CAPZB: variants seen among roughly 807,000 people sequenced by gnomAD.
CAPZB encodes capping actin protein of muscle Z-line subunit beta.
A neutral mutation model predicts 38.1 loss-of-function variants in CAPZB; 2 were observed. The observed-to-expected ratio is 0.05, with a 90% CI of 0.02 to 0.17. The LOEUF (loss-of-function observed/expected upper bound fraction) is 0.17, where lower values mean the gene tolerates loss of function less well. Among genes scored for constraint, CAPZB ranks in the 10% least tolerant of loss-of-function variants. The pLI is 1.00. For missense variants in CAPZB, 161 were observed against 334.2 expected (o/e 0.48, Z 4.04); for synonymous variants, 107 against 127.4 (o/e 0.84, Z 1.08).
chr1:19,424,314 C>T (rs1286053579), intron 1 of CAPZB: 4 of 152,116 alleles, frequency 2.6e-5, no homozygotes, highest in Admixed American at 2.0e-4. Flanking sequence ...TCATCATCAA[C>T]GTGATGCTTA....
chr1:19,342,905 GAAC>G (rs748476920), intron 8 of CAPZB: 73 of 1,226,598 alleles, frequency 6.0e-5, no homozygotes, highest in Non-Finnish European at 8.8e-5. Context: ...GGAGGGAAGA[GAAC>G]GACGAGAAGC....
intron 6 of CAPZB, among the ~76,000 whole-genome samples, chr1:19,348,259 C>T (rs998626175): frequency 6.6e-6 from 1 of 150,704 alleles, no homozygotes; most frequent in African/African-American, 2.5e-5. Context: ...CAGTTTAGGG[C>T]ACTTTTTTTT....
chr1:19,462,887 T>C (rs1320023384), intron 1 of CAPZB, among the ~76,000 whole-genome samples: 1 of 152,158 alleles, frequency 6.6e-6, no homozygotes, highest in Admixed American at 6.5e-5. Flanking sequence ...TAAAACCAAA[T>C]ATTCAGTTCC....
At chr1:19,382,478 T>A (rs2094180919) in intron 3 of CAPZB, among the ~76,000 whole-genome samples, 1 of 152,122 alleles carries the variant, frequency 6.6e-6, no homozygotes, top group African/African-American at 2.4e-5. Context: ...AAGGATCTTA[T>A]TTAAGCAAAC....
chr1:19,369,667 G>A lies in CAPZB; in HGVS notation c.329+8873C>T, dbSNP rs571167988. ...TGAGTGGCAAGCGGTGCCCGTCACG[G>A]GATCCCTCTGGAGGCCTTTACATCT... On this transcript the variant is annotated intron_variant, in intron 4 of 8. Coordinates refer to ENST00000264202, the MANE Select transcript of CAPZB (RefSeq NM_004930.5). 3.9e-5 allele frequency among the ~76,000 whole-genome samples: 6 copies of A among 152,364 alleles called. No individual in the cohort carries two copies. In the East Asian group the frequency reaches 1.2e-3, roughly 29 times the overall value.
intron 4 of CAPZB, among the ~76,000 whole-genome samples, chr1:19,359,865 A>G (rs576185554): frequency 6.6e-6 from 1 of 152,202 alleles, no homozygotes; most frequent in African/African-American, 2.4e-5. Context: ...GCACTCAGAG[A>G]TCCCACTCCA....
chr1:19,413,693 A>G (rs781295816), intron 2 of CAPZB, among the ~76,000 whole-genome samples: 1 of 152,184 alleles, frequency 6.6e-6, no homozygotes, highest in Non-Finnish European at 1.5e-5. Context: ...CTGGTCTGAG[A>G]TTGTTTGAAT....
intron 1 of CAPZB, among the ~76,000 whole-genome samples, chr1:19,447,660 T>C (rs1349877870): frequency 2.0e-5 from 3 of 152,164 alleles, no homozygotes; most frequent in African/African-American, 7.2e-5. Context: ...GTTGCACAGA[T>C]ACACCTGGGG....
chr1:19,481,213 T>C (rs771745427), intron 1 of CAPZB, among the ~76,000 whole-genome samples: 1 of 152,154 alleles, frequency 6.6e-6, no homozygotes, highest in African/African-American at 2.4e-5. Flanking sequence ...CCATTAAACC[T>C]CCCTTTCCTT....
intron 2 of CAPZB, among the ~76,000 whole-genome samples, chr1:19,412,602 G>C (rs973568667): frequency 6.6e-6 from 1 of 152,088 alleles, no homozygotes; most frequent in African/African-American, 2.4e-5. Context: ...TTTTAAATAA[G>C]ACAAAACATA....
intron 1 of CAPZB, among the ~76,000 whole-genome samples, chr1:19,421,827 T>TA (rs1257762006): frequency 6.6e-6 from 1 of 152,200 alleles, no homozygotes. Context: ...AATAATTTAG[T>TA]AATGCATGTG....
intron 1 of CAPZB, among the ~76,000 whole-genome samples, chr1:19,448,132 G>A (rs1404975856): frequency 5.3e-5 from 8 of 152,306 alleles, no homozygotes; most frequent in South Asian, 2.1e-4. Flanking sequence ...AGCCAACTGC[G>A]CATCAAGGGG....
chr1:19,367,866 G>A lies in CAPZB; in HGVS notation c.330-10303C>T, dbSNP rs147866159. ...AAACAATGGTGCCGCTGCAGGGGCC[G>A]GCTATCTGGCTCTGGGATCTGGTTT... On this transcript the variant is annotated intron_variant, in intron 4 of 8. Transcript: ENST00000264202. 2.2e-3 allele frequency among the ~76,000 whole-genome samples: 332 copies of A among 152,306 alleles called. 1 individual carries two copies. The highest frequency in any genetic ancestry group is 7.6e-3 in the African/African-American group (314 of 41,570).
chr1:19,426,158 C>A (rs1374075916), intron 1 of CAPZB, among the ~76,000 whole-genome samples: 2 of 152,172 alleles, frequency 1.3e-5, no homozygotes, highest in African/African-American at 4.8e-5. Context: ...ACTCAGGGGG[C>A]AGCTATGCTG....
At chr1:19,454,018 T>C (rs2094525282) in intron 1 of CAPZB, among the ~76,000 whole-genome samples, 1 of 152,180 alleles carries the variant, frequency 6.6e-6, no homozygotes, top group Non-Finnish European at 1.5e-5. Flanking sequence ...CTAAGTGCGC[T>C]GCCTCCTGGA....
intron 1 of CAPZB, among the ~76,000 whole-genome samples, chr1:19,455,588 C>A (rs895718081): frequency 6.6e-6 from 1 of 152,138 alleles, no homozygotes; most frequent in South Asian, 2.1e-4. Context: ...CAGTCCCTGC[C>A]GCATCTTGGG....
chr1:19,455,727 T>C (rs1273004899), intron 1 of CAPZB, among the ~76,000 whole-genome samples: 1 of 152,182 alleles, frequency 6.6e-6, no homozygotes, highest in Admixed American at 6.5e-5. Flanking sequence ...TTGTCACTCA[T>C]CTCAGGTCCT....
chr1:19,373,936 C>T (rs1187037399), intron 4 of CAPZB, among the ~76,000 whole-genome samples: 2 of 152,166 alleles, frequency 1.3e-5, no homozygotes, highest in African/African-American at 2.4e-5. Context: ...CTCAAGCAAT[C>T]CTCCTGCCTC....
At chr1:19,472,709 ATTTTTTTTTTTTTTT>A (rs11334966) in intron 1 of CAPZB, among the ~76,000 whole-genome samples, 2 of 61,166 alleles carry the variant, frequency 3.3e-5, no homozygotes, top group African/African-American at 1.4e-4. Flanking sequence ...TTCATTCTTC[ATTTTTTTTTTTTTTT>A]TTTTTTTTTT....
Sources: gnomAD v4.1 joint callset for allele counts (sites outside exome capture counted in the v4.1 genomes callset) on GRCh38, gnomAD v4.1.1 for gene constraint, MANE v1.5 for transcripts, NCBI Gene and HGNC (gene_info 2026-07-23, HGNC 2026-07-21) for gene names.